FAAH2: variants seen among roughly 807,000 people sequenced by gnomAD.
The protein encoded by FAAH2 is fatty acid amide hydrolase 2, also known as fatty-acid amide hydrolase 2.
FAAH2 carries 60 observed loss-of-function variants against 36.9 expected under a neutral mutation model. That is an observed-to-expected ratio of 1.63 (90% CI 1.32 to 2.02). FAAH2 has a LOEUF of 2.02. Among genes scored for constraint, FAAH2 ranks in the 30% most tolerant of loss-of-function variants. FAAH2 has a pLI of 0.00. For missense variants in FAAH2, 689 were observed against 397.5 expected (o/e 1.73, Z -6.23); for synonymous variants, 214 against 143.8 (o/e 1.49, Z -3.49).
At chrX:57,164,054 G>A in the FAAH2 span, among the ~76,000 whole-genome samples, 7 of 112,372 alleles carry the variant, frequency 6.2e-5, no homozygotes, top group African/African-American at 2.3e-4. Flanking sequence ...AGATGTGATT[G>A]TCAATTTAAG....
intron 8 of FAAH2, among the ~76,000 whole-genome samples, chrX:57,443,452 G>A (rs1039207870): frequency 9.9e-5 from 11 of 111,029 alleles, no homozygotes; most frequent in South Asian, 3.8e-4. Context: ...ATGGTTTTCA[G>A]CTCCATGAGG....
At chrX:57,152,763 C>T in the FAAH2 span, among the ~76,000 whole-genome samples, 1 of 111,541 alleles carries the variant, frequency 9.0e-6, no homozygotes, top group Non-Finnish European at 1.9e-5. Flanking sequence ...GCCCGGTGTG[C>T]TGCACCCACT....
intron 8 of FAAH2, among the ~76,000 whole-genome samples, chrX:57,443,437 G>T (rs747454226): frequency 8.9e-6 from 1 of 111,944 alleles, no homozygotes; most frequent in Non-Finnish European, 1.9e-5. Context: ...CGTAGTTCTC[G>T]TGCCATGGTT....
chrX:57,455,183 TATC>T (rs1200527940), intron 10 of FAAH2, among the ~76,000 whole-genome samples: 2 of 111,633 alleles, frequency 1.8e-5, no homozygotes, highest in Non-Finnish European at 3.8e-5. Flanking sequence ...CAACCAAGAA[TATC>T]ATATTCCATG....
chrX:57,254,442 A>G, the FAAH2 span, among the ~76,000 whole-genome samples: 1 of 111,578 alleles, frequency 9.0e-6, no homozygotes, highest in Non-Finnish European at 1.9e-5. Flanking sequence ...CATCTATAGA[A>G]CTCTCCACTC....
chrX:57,486,558 A>T (rs1046102933), intron 10 of FAAH2, among the ~76,000 whole-genome samples: 1 of 111,789 alleles, frequency 8.9e-6, no homozygotes, highest in Non-Finnish European at 1.9e-5. Context: ...TGTGCTCATC[A>T]TTGTGAACCC....
At chrX:57,393,989 A>T in intron 7 of FAAH2, 4 of 760,887 alleles carry the variant, frequency 5.3e-6, no homozygotes, top group Non-Finnish European at 8.2e-6. Context: ...GAACTTTCTC[A>T]CTCCATTTAC....
intron 7 of FAAH2, among the ~76,000 whole-genome samples, chrX:57,383,244 C>G (rs932342276): frequency 1.1e-4 from 12 of 112,123 alleles, no homozygotes; most frequent in Non-Finnish European, 2.1e-4. Context: ...AAACTGGAAG[C>G]ATTCCCTTTG....
chrX:57,167,950 A>T, the FAAH2 span, among the ~76,000 whole-genome samples: 3 of 111,332 alleles, frequency 2.7e-5, no homozygotes, highest in East Asian at 8.4e-4. Context: ...CAAGATCTTT[A>T]TGTGATGTTT....
intron 5 of FAAH2, among the ~76,000 whole-genome samples, chrX:57,354,675 T>A (rs750948697): frequency 9.0e-6 from 1 of 110,746 alleles, no homozygotes; most frequent in Non-Finnish European, 1.9e-5. Flanking sequence ...TACATAAAAA[T>A]CTTGTACTTT....
chrX:57,310,035 C>T (rs1426487659), intron 2 of FAAH2, among the ~76,000 whole-genome samples: 1 of 112,459 alleles, frequency 8.9e-6, no homozygotes, highest in East Asian at 2.8e-4. Flanking sequence ...AACTAATTTA[C>T]ATTCTCACCA....
chrX:57,142,133 C>T, the FAAH2 span, among the ~76,000 whole-genome samples: 1 of 111,652 alleles, frequency 9.0e-6, no homozygotes, highest in South Asian at 3.7e-4. Flanking sequence ...TTATTTCTTT[C>T]CTTCTACTAA....
the FAAH2 span, among the ~76,000 whole-genome samples, chrX:57,273,325 C>G: frequency 9.0e-6 from 1 of 111,372 alleles, no homozygotes; most frequent in South Asian, 3.8e-4. Context: ...GAATTTCACA[C>G]TCCACTGTCA....
chrX:57,256,464 G>C, the FAAH2 span, among the ~76,000 whole-genome samples: 1 of 111,583 alleles, frequency 9.0e-6, no homozygotes, highest in East Asian at 2.8e-4. Flanking sequence ...GCATAGCCAA[G>C]ACAATCTTGG....
chrX:57,128,451 G>C, the FAAH2 span, among the ~76,000 whole-genome samples: 1 of 111,517 alleles, frequency 9.0e-6, no homozygotes, highest in Admixed American at 9.5e-5. Context: ...TCTATTCAAA[G>C]ACAAATGTAT....
chrX:57,135,939 T>A, the FAAH2 span: 1 of 1,210,085 alleles, frequency 8.3e-7, no homozygotes, highest in African/African-American at 1.7e-5. Flanking sequence ...TTTGGAGCCA[T>A]CTTCTTTGGT....
intron 10 of FAAH2, among the ~76,000 whole-genome samples, chrX:57,484,682 T>A (rs1864696): frequency 9.1e-6 from 1 of 109,934 alleles, no homozygotes; most frequent in South Asian, 4.0e-4. Context: ...TTCGTGGAAG[T>A]GAGAGGTCTG....
intron 7 of FAAH2, among the ~76,000 whole-genome samples, chrX:57,389,243 T>TAC (rs1485160844): frequency 2.3e-5 from 2 of 86,320 alleles, no homozygotes; most frequent in African/African-American, 8.1e-5. Context: ...TTAGTACCCT[T>TAC]ACACACACAC....
chrX:57,455,986 A>G (rs1314872876), intron 10 of FAAH2, among the ~76,000 whole-genome samples: 1 of 111,744 alleles, frequency 8.9e-6, no homozygotes, highest in Non-Finnish European at 1.9e-5. Context: ...TCCACACAAC[A>G]ACCACAGAAT....
Sources: allele counts gnomAD v4.1 joint callset (sites outside exome capture counted in the v4.1 genomes callset), GRCh38; gene constraint gnomAD v4.1.1; transcripts MANE v1.5; gene names NCBI Gene and HGNC (gene_info 2026-07-23, HGNC 2026-07-21).